The following TEX26 variants were observed in gnomAD, a reference collection of about 807,000 sequenced individuals.
TEX26 encodes testis expressed 26, also known as testis-expressed protein 26.
A neutral mutation model predicts 35.3 loss-of-function variants in TEX26; 34 were observed. The observed-to-expected ratio is 0.96, with a 90% CI of 0.73 to 1.28. The LOEUF is 1.28. TEX26 is among the 50% of genes most tolerant of loss of function. The pLI is 0.00. For missense variants in TEX26, 371 were observed against 330.1 expected (o/e 1.12, Z -0.96); for synonymous variants, 136 against 111.8 (o/e 1.22, Z -1.36).
rs185864409 is a variant in TEX26, at chr13:30,969,434, A to C, written c.808+388A>C. ...ATCTTTATTTTCTGTTTGCTGGTAC[A>C]TTTTTGTGATAAGCTTTTTAAGGTA... On this transcript the variant is annotated intron_variant, in intron 6 of 6. Transcript: ENST00000380473. 2.6e-5 allele frequency among the ~76,000 whole-genome samples: 4 copies of C among 152,216 alleles called. No individual in the cohort carries two copies. The East Asian group carries it at 7.7e-4, about 29-fold the overall frequency.
intron 3 of TEX26, 57 bp from the exon 4 acceptor site, chr13:30,956,816 T>G: frequency 6.9e-7 from 1 of 1,459,116 alleles, no homozygotes; most frequent in Non-Finnish European, 9.6e-7. Context: ...CTCAGATTAT[T>G]GATCCTATTG....
chr13:30,960,913 C>G (rs1010535791), intron 4 of TEX26, among the ~76,000 whole-genome samples: 40 of 152,126 alleles, frequency 2.6e-4, no homozygotes, highest in African/African-American at 8.7e-4. Flanking sequence ...TATTAAACTC[C>G]AAGGCTCAAA....
chr13:30,936,804 T>C (rs147464801), intron 1 of TEX26: 124 of 985,414 alleles, frequency 1.3e-4, no homozygotes, highest in Non-Finnish European at 1.3e-4. Context: ...GGATATGAGC[T>C]ACACAAAAGG....
chr13:30,956,346 C>A (rs1414496175), intron 3 of TEX26, among the ~76,000 whole-genome samples: 1 of 151,896 alleles, frequency 6.6e-6, no homozygotes, highest in Non-Finnish European at 1.5e-5. Flanking sequence ...GACATGAACT[C>A]ATCATTTTTT....
At chr13:30,956,778 G>T in intron 3 of TEX26, 95 bp from the exon 4 acceptor site, 1 of 1,169,658 alleles carries the variant, frequency 8.5e-7, no homozygotes, top group Non-Finnish European at 1.2e-6. Context: ...GGTTGTAAAG[G>T]ATTCTGAAGA....
At chr13:30,970,374 G>A (rs757850388) in intron 6 of TEX26, among the ~76,000 whole-genome samples, 12 of 152,194 alleles carry the variant, frequency 7.9e-5, no homozygotes, top group Non-Finnish European at 1.6e-4. Context: ...AAAGGAACAT[G>A]GAGTGAGTAT....
chr13:30,957,093 G>C lies in TEX26; in HGVS notation c.469+64G>C, dbSNP rs552720220. 2.0e-5 allele frequency: 31 copies of C among 1,515,530 alleles called. No homozygotes were observed. The African/African-American group carries it at 3.4e-4, about 17-fold the overall frequency. The allele number at this position is 1,515,530 out of a possible 1,614,324, so 93.9% of individuals were successfully genotyped here. A position where few individuals can be genotyped will look rare whatever the true frequency, so the allele number is the denominator to read the frequency against. ...GGTAGGCCCTGGAGTTGCAGTGGTCGGCAGCATGCGTGTGTTCTTCTCCTT... is the reference window on the plus strand; with the variant it reads ...GGTAGGCCCTGGAGTTGCAGTGGTCCGCAGCATGCGTGTGTTCTTCTCCTT... On this transcript the variant is annotated intron_variant, in intron 4 of 6. Transcript: ENST00000380473.
At chr13:30,941,299 A>C (rs1193341514) in intron 2 of TEX26, among the ~76,000 whole-genome samples, 1 of 152,242 alleles carries the variant, frequency 6.6e-6, no homozygotes, top group Admixed American at 6.5e-5. Context: ...TAGCTATCCC[A>C]GTGAGTCCGT....
Position 30,966,376 on chromosome 13 carries a change from G to T in TEX26, c.624G>T (p.Leu208Phe), listed in dbSNP as rs1593603741. 6 of 1,612,528 alleles carry T rather than the reference G, an allele frequency of 3.7e-6. No individual in the cohort carries two copies. Among genetic ancestry groups the T allele is most frequent in the Middle Eastern group, 1.7e-4 (1 of 6,050 alleles). Reference sequence around the variant, plus strand: ...TCAAATATGGATGCTACTCAAGCTTGCCTGTTGCTTCTCAGGGTCTAGGTG... The same window carrying T: ...TCAAATATGGATGCTACTCAAGCTTTCCTGTTGCTTCTCAGGGTCTAGGTG... The part of the protein sequence containing the change: ...FSFKYGCYSS[L>F]PVASQGLVPS... Residue 208 changes from leucine to phenylalanine, a missense_variant, in exon 5 of 7, where the codon TTG (leucine) becomes TTT (phenylalanine). Leu to Phe is a conservative substitution (Grantham distance 22). Coordinates refer to ENST00000380473, the MANE Select transcript of TEX26 (RefSeq NM_152325.3).
intron 2 of TEX26, among the ~76,000 whole-genome samples, chr13:30,949,720 A>G (rs1282039402): frequency 6.6e-6 from 1 of 152,074 alleles, no homozygotes; most frequent in Non-Finnish European, 1.5e-5. Context: ...AGAGTATAAT[A>G]AAAAGCATAA....
Position 30,968,866 on chromosome 13 carries a change from C to T in TEX26, c.647-19C>T. The T allele has an allele frequency of 6.2e-7, 1 of 1,610,230 alleles. No homozygotes were observed. Among genetic ancestry groups the T allele is most frequent in the Non-Finnish European group, 8.5e-7 (1 of 1,178,262 alleles). On this transcript the variant is annotated intron_variant, in intron 5 of 6. Transcript: ENST00000380473. ...GGGTGCCAGCCTTCCGACCTCTCCT[C>T]CCCTGTGTATTTCTATAGTGCCTTC...
chr13:30,971,523 A>G (rs1954710598), intron 6 of TEX26, among the ~76,000 whole-genome samples: 1 of 152,128 alleles, frequency 6.6e-6, no homozygotes, highest in Non-Finnish European at 1.5e-5. Flanking sequence ...TGGGAGAGAG[A>G]CGGTGCGTGT....
At chr13:30,946,186 T>A (rs549288501) in intron 2 of TEX26, among the ~76,000 whole-genome samples, 2 of 151,972 alleles carry the variant, frequency 1.3e-5, no homozygotes, top group Non-Finnish European at 2.9e-5. Flanking sequence ...CTGGGTTAAT[T>A]CAAAAGCCTT....
intron 4 of TEX26, 27 bp from the exon 5 acceptor site, chr13:30,966,195 T>G (rs1445259239): frequency 1.2e-6 from 2 of 1,613,230 alleles, no homozygotes; most frequent in Non-Finnish European, 1.7e-6. Context: ...GGAGTAAGTA[T>G]TGCCTTCCAT....
intron 1 of TEX26, among the ~76,000 whole-genome samples, chr13:30,936,027 G>C (rs1022075066): frequency 6.6e-6 from 1 of 152,150 alleles, no homozygotes; most frequent in Non-Finnish European, 1.5e-5. Flanking sequence ...ATCTTTAATT[G>C]CGTGTGCAAA....
chr13:30,948,594 T>G (rs1953805361), intron 2 of TEX26, among the ~76,000 whole-genome samples: 1 of 152,206 alleles, frequency 6.6e-6, no homozygotes, highest in Admixed American at 6.5e-5. Flanking sequence ...GTTGTTTGTT[T>G]TTTTCTTGTA....
At chr13:30,944,154 A>G (rs535332406) in intron 2 of TEX26, among the ~76,000 whole-genome samples, 1 of 151,870 alleles carries the variant, frequency 6.6e-6, no homozygotes, top group African/African-American at 2.4e-5. Context: ...TGGTCTGCTC[A>G]GGGTTTCTAT....
At chr13:30,956,698 C>T (rs978801816) in intron 3 of TEX26, among the ~76,000 whole-genome samples, 175 bp from the exon 4 acceptor site, 3 of 152,232 alleles carry the variant, frequency 2.0e-5, no homozygotes, top group African/African-American at 7.2e-5. Context: ...ACAGAGCCCG[C>T]GTTTCGACTG....
At chr13:30,958,766 G>A (rs976124503) in intron 4 of TEX26, among the ~76,000 whole-genome samples, 1 of 152,034 alleles carries the variant, frequency 6.6e-6, no homozygotes, top group Admixed American at 6.6e-5. Context: ...CACCCCACCG[G>A]CATGCACATT....
Sources: gnomAD v4.1 joint callset for allele counts (sites outside exome capture counted in the v4.1 genomes callset) on GRCh38, gnomAD v4.1.1 for gene constraint, MANE v1.5 for transcripts, NCBI Gene and HGNC (gene_info 2026-07-23, HGNC 2026-07-21) for gene names.